Variants in DNAH14 observed in about 807,000 individuals in gnomAD.
DNAH14 encodes axonemal beta dynein heavy chain 14.
Under a neutral mutation model 520.9 loss-of-function variants are expected in DNAH14, and 478 were observed. That is an observed-to-expected ratio of 0.92 (90% CI 0.85 to 0.99). The LOEUF (loss-of-function observed/expected upper bound fraction) is 0.99. Ranked by LOEUF, DNAH14 falls within the 50% of genes least tolerant of loss-of-function variation. The probability of loss-of-function intolerance (pLI) is 0.00; values close to 1 mark genes in which losing one functional copy is unlikely to be tolerated. For missense variants in DNAH14, 4,831 were observed against 5,234.5 expected (o/e 0.92, Z 2.38); for synonymous variants, 1,581 against 1,757.2 (o/e 0.90, Z 2.51).
intron 66 of DNAH14, among the ~76,000 whole-genome samples, chr1:225,336,053 A>ATGTATATATATG (rs1553337808): frequency 2.1e-5 from 3 of 141,928 alleles, no homozygotes; most frequent in African/African-American, 8.0e-5. Flanking sequence ...ATGCATATAT[A>ATGTATATATATG]CATATATGTA....
chr1:225,145,334 C>T lies in DNAH14; in HGVS notation c.4749C>T (p.Gly1583=). 2 of 1,544,916 alleles carry T rather than the reference C, an allele frequency of 1.3e-6. No individual in the cohort carries two copies. The highest frequency in any genetic ancestry group is 1.7e-6 in the Non-Finnish European group (2 of 1,144,100). The change falls in exon 30 of 86, where the codon GGC becomes GGT. Residue 1583 remains glycine, a synonymous_variant. Transcript: ENST00000682510. ...ETVKDLAKSL[G]KHCVVFNCFE... ...ATATTTTTGTTTCCCAGTCCTTAGGCAAACATTGTGTGGTCTTCAACTGTT... is the reference window on the plus strand; with the variant it reads ...ATATTTTTGTTTCCCAGTCCTTAGGTAAACATTGTGTGGTCTTCAACTGTT...
intron 11 of DNAH14, among the ~76,000 whole-genome samples, chr1:225,033,994 C>T (rs975073530): frequency 6.6e-6 from 1 of 151,946 alleles, no homozygotes; most frequent in Non-Finnish European, 1.5e-5. Context: ...GGTAAAGAAT[C>T]ATGTTGTATG....
At chr1:225,150,900 G>A (rs1347925133) in intron 31 of DNAH14, among the ~76,000 whole-genome samples, 1 of 151,942 alleles carries the variant, frequency 6.6e-6, no homozygotes, top group South Asian at 2.1e-4. Context: ...TAGTAGAGGT[G>A]GGGTTTTACC....
At chr1:225,379,109 C>G (rs1211414687) in intron 79 of DNAH14, among the ~76,000 whole-genome samples, 2 of 152,108 alleles carry the variant, frequency 1.3e-5, no homozygotes, top group Non-Finnish European at 2.9e-5. Flanking sequence ...GGCCTGGACA[C>G]GCGCTCCTCC....
intron 11 of DNAH14, among the ~76,000 whole-genome samples, chr1:225,037,828 G>A (rs574650333): frequency 3.9e-5 from 6 of 152,116 alleles, no homozygotes; most frequent in Admixed American, 2.0e-4. Flanking sequence ...GATTACAGGC[G>A]TGTGCCACCA....
chr1:225,208,868 C>T (rs944403512), intron 41 of DNAH14, among the ~76,000 whole-genome samples: 3 of 152,174 alleles, frequency 2.0e-5, no homozygotes, highest in Non-Finnish European at 2.9e-5. Flanking sequence ...CTGCTACATG[C>T]AGTCTGCTGT....
chr1:224,941,706 C>G (rs2059430763), intron 1 of DNAH14, among the ~76,000 whole-genome samples: 1 of 152,288 alleles, frequency 6.6e-6, no homozygotes, highest in East Asian at 1.9e-4. Flanking sequence ...GGAAGGGATC[C>G]AGTTTCAGCT....
chr1:225,337,597 G>GA (rs5781398), intron 67 of DNAH14, 101 bp downstream of exon 67: 180,651 of 870,336 alleles, frequency 0.21, 21,222 homozygotes, highest in African/African-American at 0.33. Flanking sequence ...AACTGTCAGG[G>GA]AAAAAATAAT....
Position 225,085,680 on chromosome 1 carries a change from T to A in DNAH14, c.3464T>A (p.Ile1155Asn). Reference sequence around the variant, plus strand: ...CCTTTAATTCTTCACCACACAGAGATTTACTCTATCTTCATAATTCCATCT... The same window carrying A: ...CCTTTAATTCTTCACCACACAGAGAATTACTCTATCTTCATAATTCCATCT... The part of the protein sequence containing the change: ...PLPLILHHTE[I>N]YSIFIIPSID... Residue 1155 changes from isoleucine to asparagine, a missense_variant, in exon 21 of 86, where the codon ATT becomes AAT. Transcript: ENST00000682510. The A allele has an allele frequency of 6.4e-7, 1 of 1,551,366 alleles. No homozygotes were observed. Among genetic ancestry groups the A allele is most frequent in the Non-Finnish European group, 8.7e-7 (1 of 1,146,788 alleles).
At chr1:225,053,493 G>A (rs1323448622) in intron 17 of DNAH14, among the ~76,000 whole-genome samples, 1 of 152,160 alleles carries the variant, frequency 6.6e-6, no homozygotes, top group Non-Finnish European at 1.5e-5. Flanking sequence ...GCATTTTTGT[G>A]TGGACCCTCT....
intron 21 of DNAH14, among the ~76,000 whole-genome samples, chr1:225,089,887 C>T (rs2074222088): frequency 6.6e-6 from 1 of 152,136 alleles, no homozygotes; most frequent in Non-Finnish European, 1.5e-5. Context: ...GAACGCTTTT[C>T]CCCTAAGATC....
chr1:225,259,109 T>C lies in DNAH14; in HGVS notation c.7025-12T>C, dbSNP rs1408238039. On this transcript the variant is annotated splice_polypyrimidine_tract_variant and intron_variant, in intron 45 of 85. Transcript: ENST00000682510. ...TGCATATACATCTAACCTTGTGTATTTTTTCCCTTAGGAGAATCTGGTGTT... is the reference window on the plus strand; with the variant it reads ...TGCATATACATCTAACCTTGTGTATCTTTTCCCTTAGGAGAATCTGGTGTT... The C allele has an allele frequency of 6.5e-7, 1 of 1,537,936 alleles. No homozygotes were observed. The highest frequency in any genetic ancestry group is 8.7e-7 in the Non-Finnish European group (1 of 1,143,190).
intron 41 of DNAH14, among the ~76,000 whole-genome samples, chr1:225,226,208 A>G (rs80142965): frequency 0.11 from 16,963 of 152,176 alleles, 1,481 homozygotes; most frequent in East Asian, 0.23. Flanking sequence ...CTCTAATAAC[A>G]TAACTGCTTG....
chr1:225,286,033 C>G (rs543641135), intron 54 of DNAH14, among the ~76,000 whole-genome samples: 25 of 152,118 alleles, frequency 1.6e-4, no homozygotes, highest in South Asian at 1.0e-3. Flanking sequence ...TCATGTTAAG[C>G]AAAATAAGTT....
chr1:225,175,786 GACTT>G (rs1008199395), intron 36 of DNAH14, among the ~76,000 whole-genome samples: 27 of 146,680 alleles, frequency 1.8e-4, no homozygotes, highest in Non-Finnish European at 3.3e-4. Flanking sequence ...TCACTGCTGA[GACTT>G]AGTTAGTAAG....
intron 11 of DNAH14, among the ~76,000 whole-genome samples, chr1:225,031,477 TA>T (rs139854160): frequency 0.048 from 6,332 of 132,758 alleles, 217 homozygotes; most frequent in South Asian, 0.071. Context: ...AAACGTAAAA[TA>T]TTTCCTGTCT....
chr1:225,176,941 G>A (rs369898915), intron 36 of DNAH14, among the ~76,000 whole-genome samples: 25 of 152,242 alleles, frequency 1.6e-4, no homozygotes, highest in African/African-American at 4.6e-4. Context: ...AAAGATACCC[G>A]AAAATGCAGA....
intron 36 of DNAH14, among the ~76,000 whole-genome samples, chr1:225,182,400 G>A (rs950559244): frequency 1.3e-5 from 2 of 152,084 alleles, no homozygotes; most frequent in Admixed American, 6.6e-5. Context: ...AAACTTTTAG[G>A]GAGGATGAGG....
At chr1:225,135,355 C>G (rs920355463) in intron 27 of DNAH14, among the ~76,000 whole-genome samples, 1 of 152,110 alleles carries the variant, frequency 6.6e-6, no homozygotes, top group African/African-American at 2.4e-5. Flanking sequence ...TATGTTGTCT[C>G]TTTGTTCTCA....
Sources: gnomAD v4.1 joint callset for allele counts (sites outside exome capture counted in the v4.1 genomes callset) on GRCh38, gnomAD v4.1.1 for gene constraint, MANE v1.5 for transcripts, NCBI Gene and HGNC (gene_info 2026-07-23, HGNC 2026-07-21) for gene names.